GPR162: variants seen among roughly 807,000 people sequenced by gnomAD.
GPR162 encodes G protein-coupled receptor 162.
In GPR162, 26 loss-of-function variants were observed where a neutral mutation model predicts 44.9. That is an observed-to-expected ratio of 0.58 (90% CI 0.42 to 0.80). The LOEUF (loss-of-function observed/expected upper bound fraction) is 0.80. Ranked by LOEUF, GPR162 falls within the 30% of genes least tolerant of loss-of-function variation. GPR162 has a pLI of 0.00. For missense variants in GPR162, 704 were observed against 802.3 expected (o/e 0.88, Z 1.48); for synonymous variants, 363 against 335.2 (o/e 1.08, Z -0.91).
Position 6,824,066 on chromosome 12 carries a change from G to A in GPR162, c.168G>A (p.Ala56=), listed in dbSNP as rs141636256. The change falls in exon 2 of 5, where the codon GCG becomes GCA. Residue 56 remains alanine, a synonymous_variant. Coordinates refer to ENST00000311268, the MANE Select transcript of GPR162 (RefSeq NM_019858.2). ...KPLELLLCFL[A]GTHILMAAVP... Reference sequence around the variant, plus strand: ...TGGAGCTGCTGCTCTGCTTCCTAGCGGGCACACACATACTCATGGCAGCTG... The same window carrying A: ...TGGAGCTGCTGCTCTGCTTCCTAGCAGGCACACACATACTCATGGCAGCTG... 60 of 1,613,314 alleles carry A rather than the reference G, an allele frequency of 3.7e-5. No homozygotes were observed. Among genetic ancestry groups the A allele is most frequent in the South Asian group, 2.7e-4 (25 of 91,084 alleles).
In GPR162 at chr12:6,825,657, G is replaced by A. The variant is rs1230945974; in HGVS notation, c.1041G>A (p.Glu347=). 2 of 1,573,056 alleles carry A rather than the reference G, an allele frequency of 1.3e-6. No homozygotes were observed. The highest frequency in any genetic ancestry group is 2.7e-5 in the African/African-American group (2 of 73,908). Residue 347 remains glutamate, a synonymous_variant, in exon 3 of 5, where the codon GAG becomes GAA. Coordinates refer to ENST00000311268, the MANE Select transcript of GPR162 (RefSeq NM_019858.2). ...AGCAATGCGTGGCCATCATGTCTGA[G>A]GAGGATGGAGATGACGGTCAGAGGA... The part of the protein sequence containing the change: ...VWEQCVAIMS[E]EDGDDDGGCD...
In GPR162 at chr12:6,822,122, T is replaced by A. The variant is rs1184875565; in HGVS notation, c.-432+222T>A. ...AACCTCCCAGATCCCCCTTCCCACC[T>A]TCCTCTGATCTCTCCCTGTCCTTCA... On this transcript the variant is annotated intron_variant, in intron 1 of 4. Transcript: ENST00000311268. This position sits in a 1 kb window ranked among gnomAD's most constrained non-coding sequence, Gnocchi z 4.2. 6.6e-6 allele frequency among the ~76,000 whole-genome samples: 1 copy of A among 152,132 alleles called. No individual in the cohort carries two copies. Among genetic ancestry groups the A allele is most frequent in the Non-Finnish European group, 1.5e-5 (1 of 68,000 alleles).
In GPR162 at chr12:6,827,113, G is replaced by A. The variant is rs782111996; in HGVS notation, c.1676G>A (p.Arg559His). 56 of 1,612,934 alleles carry A rather than the reference G, an allele frequency of 3.5e-5. No individual in the cohort carries two copies. The highest frequency in any genetic ancestry group is 1.5e-4 in the South Asian group (14 of 91,092). Residue 559 changes from arginine to histidine, a missense_variant, in exon 5 of 5, where the codon CGC becomes CAC. Arg to His is a conservative substitution (Grantham distance 29). This residue lies in a region of GPR162 where 404 missense variants were observed against 314.1 expected (regional missense o/e 1.29). Transcript: ENST00000311268. The part of the protein sequence containing the change: ...GLPLGLSAGR[R>H]CSLTGGEESA... ...CCTTTGGGACTAAGCGCAGGGAGAC[G>A]CTGCTCCCTGACGGGGGGTGAAGAA...
Position 6,822,592 on chromosome 12 carries a change from T to C in GPR162, c.-432+692T>C, listed in dbSNP as rs115017820. On this transcript the variant is annotated intron_variant, in intron 1 of 4. Coordinates refer to ENST00000311268, the MANE Select transcript of GPR162 (RefSeq NM_019858.2). This position sits in a 1 kb window ranked among gnomAD's most constrained non-coding sequence, Gnocchi z 4.2. ...GCATCACGCACTAAAACTGGGACCA[T>C]CCTTCCTCCCATGAGAGGGAAACTG... 4.3e-3 allele frequency among the ~76,000 whole-genome samples: 649 copies of C among 152,188 alleles called. 2 individuals carry two copies. Among genetic ancestry groups the C allele is most frequent in the African/African-American group, 0.015 (615 of 41,540 alleles).
At chr12:6,825,805 C>A in intron 3 of GPR162, 132 bp downstream of exon 3, 2 of 750,854 alleles carry the variant, frequency 2.7e-6, no homozygotes, top group Admixed American at 5.3e-5. Flanking sequence ...CCCTGGGCTC[C>A]CCTTTCCCTA....
In GPR162 at chr12:6,823,756, G is replaced by A. The variant is rs782112510; in HGVS notation, c.-143G>A. On this transcript the variant is annotated 5_prime_UTR_variant, in exon 2 of 5. Coordinates refer to ENST00000311268, the MANE Select transcript of GPR162 (RefSeq NM_019858.2). The stretch of plus-strand genomic sequence containing the variant: ...AGCTGGGTCCATCATGCAATGCTGA[G>A]CACTGGGGTGAGCCTGGGGGCAGCC... 1.7e-5 allele frequency: 28 copies of A among 1,613,146 alleles called. No homozygotes were observed. The South Asian group carries it at 3.1e-4, about 18-fold the overall frequency.
Position 6,826,942 on chromosome 12 carries a change from G to C in GPR162, c.1505G>C (p.Arg502Pro), listed in dbSNP as rs781892948. ...GGPPRGPGFF[R>P]EEITTFIDET... is the part of the protein sequence containing the mutation. ...CCCCCACGGGGTCCTGGCTTCTTCCGGGAGGAGATCACCACCTTCATCGAT... is the reference window on the plus strand; with the variant it reads ...CCCCCACGGGGTCCTGGCTTCTTCCCGGAGGAGATCACCACCTTCATCGAT... Residue 502 changes from arginine to proline, a missense_variant, in exon 5 of 5, where the codon CGG (arginine) becomes CCG (proline). Arg to Pro is a moderately radical substitution (Grantham distance 103, BLOSUM62 -2). This residue lies in a region of GPR162 where 404 missense variants were observed against 314.1 expected (regional missense o/e 1.29). Coordinates refer to ENST00000311268, the MANE Select transcript of GPR162 (RefSeq NM_019858.2). The C allele has an allele frequency of 6.2e-7, 1 of 1,613,240 alleles. No homozygotes were observed. The highest frequency in any genetic ancestry group is 8.5e-7 in the Non-Finnish European group (1 of 1,180,000).
At position 6,824,570 on chromosome 12, in the gene GPR162, G is replaced by GGGC; in HGVS notation, c.672_673insGGC (p.Gly224dup). On this transcript the variant is annotated inframe_insertion, in exon 2 of 5. Coordinates refer to ENST00000311268, the MANE Select transcript of GPR162 (RefSeq NM_019858.2). The stretch of plus-strand genomic sequence containing the variant: ...CCCGGAGAGTGGGGGGTGGTGGGGG[G>GGGC]ACCAAAGCGGGTGGGCCAGGGGCCT... 9.7e-6 allele frequency: 13 copies of GGGC among 1,337,804 alleles called. No individual in the cohort carries two copies. Among genetic ancestry groups the GGGC allele is most frequent in the Non-Finnish European group, 1.4e-5 (13 of 951,352 alleles). 82.9% of individuals were successfully genotyped at this position (1,337,804 alleles called of 1,614,324 possible). A position where few individuals can be genotyped will look rare whatever the true frequency, so the allele number is the denominator to read the frequency against.
In GPR162 at chr12:6,822,394, T is replaced by C. The variant is rs2137942696; in HGVS notation, c.-432+494T>C. ...CCAAGGGTGGGGGTGGACCAGGACC[T>C]CTTGGGGAAAGCAAGGGTCTGAGCT... On this transcript the variant is annotated intron_variant, in intron 1 of 4. Coordinates refer to ENST00000311268, the MANE Select transcript of GPR162 (RefSeq NM_019858.2). This position sits in a 1 kb window ranked among gnomAD's most constrained non-coding sequence, Gnocchi z 4.2. 1.3e-5 allele frequency among the ~76,000 whole-genome samples: 2 copies of C among 152,272 alleles called. No individual in the cohort carries two copies. Among genetic ancestry groups the C allele is most frequent in the Middle Eastern group, 6.8e-3 (2 of 294 alleles).
chr12:6,826,384 T>C (rs1555120078), intron 4 of GPR162, 31 bp downstream of exon 4: 8 of 1,578,164 alleles, frequency 5.1e-6, no homozygotes, highest in Non-Finnish European at 6.9e-6. Flanking sequence ...TCTCCTACCC[T>C]TGGTGCCGCT....
chr12:6,825,697 G>T (rs1555119927), intron 3 of GPR162, 24 bp downstream of exon 3: 4 of 1,542,878 alleles, frequency 2.6e-6, no homozygotes, highest in Non-Finnish European at 8.8e-7. Flanking sequence ...CTGGGCTTTG[G>T]CTTTCCTGGA....
Position 6,823,691 on chromosome 12 carries a change from T to A in GPR162, c.-208T>A. 1 of 1,449,332 alleles carries A rather than the reference T, an allele frequency of 6.9e-7. No homozygotes were observed. Among genetic ancestry groups the A allele is most frequent in the Non-Finnish European group, 9.6e-7 (1 of 1,043,776 alleles). The allele number at this position is 1,449,332 out of a possible 1,614,324, so 89.8% of individuals were successfully genotyped here. A position where few individuals can be genotyped will look rare whatever the true frequency, so the allele number is the denominator to read the frequency against. On this transcript the variant is annotated 5_prime_UTR_variant, in exon 2 of 5. It removes the in-frame stop codon of an upstream open reading frame in the 5' UTR. Coordinates refer to ENST00000311268, the MANE Select transcript of GPR162 (RefSeq NM_019858.2). ...TATGAAAGCTGAGGATTGCCTCTGCTGACCCTCAGTCTCCTCCCCTGCCCT... is the reference window on the plus strand; with the variant it reads ...TATGAAAGCTGAGGATTGCCTCTGCAGACCCTCAGTCTCCTCCCCTGCCCT...
In GPR162 at chr12:6,824,542, A is replaced by C; in HGVS notation, c.644A>C (p.Gln215Pro). The C allele has an allele frequency of 2.9e-6, 4 of 1,395,100 alleles. No individual in the cohort carries two copies. The highest frequency in any genetic ancestry group is 3.9e-6 in the Non-Finnish European group (4 of 1,016,900). 86.4% of individuals were successfully genotyped at this position (1,395,100 alleles called of 1,614,324 possible). ...TGGGCCCGGCCCCGGAGGGCTCGGCAGGCCCGGAGAGTGGGGGGTGGTGGG... is the reference window on the plus strand; with the variant it reads ...TGGGCCCGGCCCCGGAGGGCTCGGCCGGCCCGGAGAGTGGGGGGTGGTGGG... ...TLWARPRRARQARRVGGGGGT... is the reference protein window; with the variant it reads ...TLWARPRRARPARRVGGGGGT... Residue 215 changes from glutamine (Q) to proline (P), a missense_variant, in exon 2 of 5, where the codon CAG becomes CCG. Coordinates refer to ENST00000311268, the MANE Select transcript of GPR162 (RefSeq NM_019858.2).
chr12:6,826,205 G>C lies in GPR162; in HGVS notation c.1067G>C (p.Cys356Ser). The C allele has an allele frequency of 6.2e-7, 1 of 1,613,620 alleles. No homozygotes were observed. Among genetic ancestry groups the C allele is most frequent in the Non-Finnish European group, 8.5e-7 (1 of 1,179,704 alleles). Residue 356 changes from cysteine to serine, a missense_variant, in exon 4 of 5, where the codon TGT becomes TCT. By Grantham distance (112) the Cys-to-Ser change is moderately radical. Coordinates refer to ENST00000311268, the MANE Select transcript of GPR162 (RefSeq NM_019858.2). Reference protein sequence around the residue: ...SEEDGDDDGGCDDYAEGRVCK... With the variant: ...SEEDGDDDGGSDDYAEGRVCK... ...CCATTTTCTCTCCTAGATGGGGGCT[G>C]TGACGACTATGCAGAGGGCCGAGTT... is the stretch of plus-strand genomic sequence containing the variant.
At chr12:6,826,392 G>T in intron 4 of GPR162, 39 bp downstream of exon 4, 2 of 1,559,426 alleles carry the variant, frequency 1.3e-6, no homozygotes, top group Non-Finnish European at 1.7e-6. Context: ...CCTTGGTGCC[G>T]CTCATCACTT....
chr12:6,826,433 C>T (rs1943357162), intron 4 of GPR162, 80 bp downstream of exon 4: 3 of 1,364,040 alleles, frequency 2.2e-6, no homozygotes, highest in East Asian at 4.7e-5. Context: ...ACCCCAATCC[C>T]CTCTTCCCTA....
At chr12:6,826,414 CTGTT>C in intron 4 of GPR162, 61 bp downstream of exon 4, 1 of 1,467,840 alleles carries the variant, frequency 6.8e-7, no homozygotes, top group Middle Eastern at 1.8e-4. Flanking sequence ...TCTCCAGTGT[CTGTT>C]AGGCACCCCA....
At chr12:6,826,486 T>C (rs2137949285) in intron 4 of GPR162, 133 bp downstream of exon 4, 1 of 1,103,454 alleles carries the variant, frequency 9.1e-7, no homozygotes, top group South Asian at 1.5e-5. Flanking sequence ...GAAAGAAAGC[T>C]ATAGCAAGAG....
rs1943354496 is a variant in GPR162, at chr12:6,826,283, C to T, written c.1145C>T (p.Pro382Leu). 2 of 1,613,822 alleles carry T rather than the reference C, an allele frequency of 1.2e-6. No individual in the cohort carries two copies. The highest frequency in any genetic ancestry group is 1.7e-5 in the Admixed American group (1 of 59,998). Reference protein sequence around the residue: ...NGATGPGSRDPAQVKLLPGRH... With the variant: ...NGATGPGSRDLAQVKLLPGRH... ...GCCACAGGACCAGGGAGCCGGGACC[C>T]CGCCCAGGTGAAGCTGCTGCCTGGA... is the stretch of plus-strand genomic sequence containing the variant. The change falls in exon 4 of 5, where the codon CCC becomes CTC. Residue 382 changes from proline to leucine, a missense_variant. Pro to Leu is a moderately conservative substitution (Grantham distance 98, BLOSUM62 -3). Transcript: ENST00000311268.
Sources: allele counts gnomAD v4.1 joint callset (sites outside exome capture counted in the v4.1 genomes callset), GRCh38; gene constraint gnomAD v4.1.1; regional missense constraint gnomAD v4.1.1; non-coding constraint Gnocchi (gnomAD v3.1); transcripts MANE v1.5; gene names NCBI Gene and HGNC (gene_info 2026-07-23, HGNC 2026-07-21).